Variants in EIF4E3 observed in about 807,000 individuals in gnomAD.
EIF4E3 encodes the protein eukaryotic translation initiation factor 4E family member 3, also known as eukaryotic translation initiation factor 4E type 3.
A neutral mutation model predicts 31.7 loss-of-function variants in EIF4E3; 26 were observed. That is an observed-to-expected ratio of 0.82 (90% CI 0.60 to 1.14). EIF4E3 has a LOEUF of 1.14. Among genes scored for constraint, EIF4E3 ranks in the 50% most tolerant of loss-of-function variants. The pLI is 0.00. For missense variants in EIF4E3, 304 were observed against 270.9 expected, an observed-to-expected ratio of 1.12 and a Z score of -0.86; for synonymous variants, 128 against 107.7, an observed-to-expected ratio of 1.19 and a Z score of -1.17.
chr3:71,696,636 T>C lies in EIF4E3; in HGVS notation c.345-116A>G, dbSNP rs2049141021. The C allele has an allele frequency of 4.3e-6, 5 of 1,160,320 alleles. No individual in the cohort carries two copies. In the South Asian group the frequency reaches 7.5e-5, roughly 17 times the overall value. The allele number at this position is 1,160,320 out of a possible 1,614,324, so 71.9% of individuals were successfully genotyped here. A position where few individuals can be genotyped will look rare whatever the true frequency, so the allele number is the denominator to read the frequency against. ...ACAACAGATGACCTTAAAAACAAAATAGTTGGGCATTTTTCTTATTTTTGT... is the reference window on the plus strand; with the variant it reads ...ACAACAGATGACCTTAAAAACAAAACAGTTGGGCATTTTTCTTATTTTTGT... On this transcript the variant is annotated intron_variant, in intron 3 of 6. Transcript: ENST00000425534.
intron 5 of EIF4E3, among the ~76,000 whole-genome samples, chr3:71,692,257 G>A (rs2049073582): frequency 3.3e-5 from 5 of 152,184 alleles, no homozygotes; most frequent in Admixed American, 3.3e-4. Context: ...AAGATGAGGG[G>A]AGTGAGGCCC....
chr3:71,679,484 G>C lies in EIF4E3; in HGVS notation c.*5198C>G, dbSNP rs1487555785. On this transcript the variant is annotated 3_prime_UTR_variant, in exon 7 of 7. Transcript: ENST00000425534. ...AACCAAAACAAAAACATTTAACACAGATTCCTTCAATCTCATGATTTCTGA... is the reference window on the plus strand; with the variant it reads ...AACCAAAACAAAAACATTTAACACACATTCCTTCAATCTCATGATTTCTGA... 1 of 152,080 alleles carries C rather than the reference G, an allele frequency of 6.6e-6. No individual in the cohort carries two copies. The highest frequency in any genetic ancestry group is 1.9e-4 in the East Asian group (1 of 5,196). 9.4% of individuals were successfully genotyped at this position (152,080 alleles called of 1,614,324 possible).
In EIF4E3 at chr3:71,677,753, G is replaced by A. The variant is rs1275702633; in HGVS notation, c.*6929C>T. 1.3e-5 allele frequency: 2 copies of A among 152,146 alleles called. No homozygotes were observed. Among genetic ancestry groups the A allele is most frequent in the Non-Finnish European group, 2.9e-5 (2 of 68,016 alleles). The allele number at this position is 152,146 out of a possible 1,614,324, so 9.4% of individuals were successfully genotyped here. A position where few individuals can be genotyped will look rare whatever the true frequency, so the allele number is the denominator to read the frequency against. ...CAGATGAATGGAAGAAGAGTTTGTT[G>A]GTACGTTTTGTTTGTTTTTAAAGGA... On this transcript the variant is annotated 3_prime_UTR_variant, in exon 7 of 7. Transcript: ENST00000425534.
At chr3:71,660,279 C>A in the EIF4E3 span, among the ~76,000 whole-genome samples, 1 of 151,658 alleles carries the variant, frequency 6.6e-6, no homozygotes, top group Admixed American at 6.6e-5. Context: ...GAGCAGGCTG[C>A]GGCTGCAGTT....
intron 1 of EIF4E3, among the ~76,000 whole-genome samples, chr3:71,745,859 C>T (rs753673787): frequency 2.0e-5 from 3 of 152,072 alleles, no homozygotes; most frequent in Admixed American, 6.5e-5. Context: ...CACTTGGAGC[C>T]GTTGCTATAA....
Position 71,684,564 on chromosome 3 carries a change from A to C in EIF4E3, c.*118T>G, listed in dbSNP as rs1344693924. 7.9e-7 allele frequency: 1 copy of C among 1,259,554 alleles called. No individual in the cohort carries two copies. The highest frequency in any genetic ancestry group is 1.5e-5 in the African/African-American group (1 of 67,180). 78.0% of individuals were successfully genotyped at this position (1,259,554 alleles called of 1,614,324 possible). On this transcript the variant is annotated 3_prime_UTR_variant, in exon 7 of 7. Coordinates refer to ENST00000425534, the MANE Select transcript of EIF4E3 (RefSeq NM_001134651.2). ...CCTAATTGCCCATCTGCAAGGACAG[A>C]AACCCACTCTAAATTGACCAGCATC...
At chr3:71,687,254 G>T (rs1476997416) in intron 6 of EIF4E3, among the ~76,000 whole-genome samples, 1 of 152,082 alleles carries the variant, frequency 6.6e-6, no homozygotes, top group Non-Finnish European at 1.5e-5. Flanking sequence ...TGCCTGCCTC[G>T]GCCTCCCAAA....
chr3:71,697,875 G>A (rs1264370044), intron 3 of EIF4E3, among the ~76,000 whole-genome samples: 2 of 152,150 alleles, frequency 1.3e-5, no homozygotes, highest in African/African-American at 4.8e-5. Flanking sequence ...CAATAAACAT[G>A]GAAGTGTAGA....
chr3:71,660,163 A>G, the EIF4E3 span, among the ~76,000 whole-genome samples: 3 of 152,154 alleles, frequency 2.0e-5, no homozygotes, highest in South Asian at 6.2e-4. Flanking sequence ...GGGTGGTGTG[A>G]GCAGAAAATG....
chr3:71,702,827 T>C (rs1333479766), intron 2 of EIF4E3, among the ~76,000 whole-genome samples: 1 of 151,710 alleles, frequency 6.6e-6, no homozygotes, highest in Admixed American at 6.6e-5. Flanking sequence ...GCTGGTGAAA[T>C]ACCTACAGGA....
At chr3:71,693,433 G>A (rs1398712092) in intron 5 of EIF4E3, among the ~76,000 whole-genome samples, 1 of 152,196 alleles carries the variant, frequency 6.6e-6, no homozygotes, top group Non-Finnish European at 1.5e-5. Flanking sequence ...GAGAGGGACA[G>A]AGAGGATTGT....
At chr3:71,713,433 A>G (rs1404815604) in intron 1 of EIF4E3, among the ~76,000 whole-genome samples, 5 of 151,800 alleles carry the variant, frequency 3.3e-5, no homozygotes, top group Non-Finnish European at 7.4e-5. Context: ...CTGAATCCCA[A>G]TTTTTTTGTT....
chr3:71,702,711 TAAAA>T (rs34223814), intron 2 of EIF4E3, among the ~76,000 whole-genome samples: 1 of 131,222 alleles, frequency 7.6e-6, no homozygotes. Flanking sequence ...GTCACACCAT[TAAAA>T]AAAAAAAAAA....
At chr3:71,724,497 T>C (rs1172818219) in intron 1 of EIF4E3, among the ~76,000 whole-genome samples, 1 of 151,538 alleles carries the variant, frequency 6.6e-6, no homozygotes, top group African/African-American at 2.4e-5. Flanking sequence ...AGTCAGGGGG[T>C]CTTTCTGAAA....
chr3:71,668,645 AG>A, the EIF4E3 span, among the ~76,000 whole-genome samples: 1 of 152,224 alleles, frequency 6.6e-6, no homozygotes, highest in Admixed American at 6.5e-5. Flanking sequence ...TATGAAAAAA[AG>A]CTCATCATCA....
chr3:71,673,298 C>T (rs554563237), downstream of EIF4E3, among the ~76,000 whole-genome samples: 1 of 152,276 alleles, frequency 6.6e-6, no homozygotes, highest in East Asian at 1.9e-4. Flanking sequence ...CCCCATATTT[C>T]ACATGCTGGT....
rs2048920322 is a variant in EIF4E3 at position 71,681,371 on chromosome 3, A to G, written c.*3311T>C. On this transcript the variant is annotated 3_prime_UTR_variant, in exon 7 of 7. Transcript: ENST00000425534. ...GGCTGTCAGTTTTGTCTAAAGACAC[A>G]AGCTGGGATCCTCTAAGAGTTGGGC... 1 of 152,342 alleles carries G rather than the reference A, an allele frequency of 6.6e-6. No individual in the cohort carries two copies. The highest frequency in any genetic ancestry group is 1.9e-4 in the East Asian group (1 of 5,182). 9.4% of individuals were successfully genotyped at this position (152,342 alleles called of 1,614,324 possible).
At chr3:71,730,166 C>G (rs1398160591), upstream of EIF4E3, among the ~76,000 whole-genome samples, 2 of 152,132 alleles carry the variant, frequency 1.3e-5, no homozygotes, top group African/African-American at 4.8e-5. Context: ...GTAGGGGAGA[C>G]TTGACACTAT....
chr3:71,739,109 C>T (rs1290495911), intron 1 of EIF4E3, among the ~76,000 whole-genome samples: 2 of 149,928 alleles, frequency 1.3e-5, no homozygotes, highest in East Asian at 3.9e-4. Context: ...TAAAGCACTA[C>T]TGAGAGGGAA....
Sources: allele counts gnomAD v4.1 joint callset (sites outside exome capture counted in the v4.1 genomes callset), GRCh38; gene constraint gnomAD v4.1.1; transcripts MANE v1.5; gene names NCBI Gene and HGNC (gene_info 2026-07-23, HGNC 2026-07-21).